Variants in RYR3 observed in about 807,000 individuals in gnomAD.
The protein encoded by RYR3 is ryanodine receptor 3.
Under a neutral mutation model 584.3 loss-of-function variants are expected in RYR3, and 207 were observed. That is an observed-to-expected ratio of 0.35 (90% CI 0.32 to 0.40). RYR3 has a LOEUF of 0.40. Among genes scored for constraint, RYR3 ranks in the 10% least tolerant of loss-of-function variants. The pLI, the probability that RYR3 is intolerant of heterozygous loss-of-function variation, is 1.00. For missense variants in RYR3, 5,616 were observed against 6,089.2 expected (o/e 0.92, Z 2.59); for synonymous variants, 2,416 against 2,248.5 (o/e 1.07, Z -2.11).
Position 33,768,722 on chromosome 15 carries a change from G to A in RYR3, c.8755+15G>A. ...TTCCCTCTTTGGTAAGTGAAGTGTT[G>A]CTCAAGGTACCGCTCCTCCCTGTAA... On this transcript the variant is annotated intron_variant, in intron 61 of 103. Transcript: ENST00000634891. The A allele has an allele frequency of 6.2e-7, 1 of 1,613,008 alleles. No homozygotes were observed.
intron 65 of RYR3, among the ~76,000 whole-genome samples, chr15:33,784,958 C>T (rs922690232): frequency 9.9e-5 from 15 of 152,148 alleles, no homozygotes; most frequent in African/African-American, 3.6e-4. Flanking sequence ...GCAGCACCCT[C>T]AATCATTCAG....
At chr15:33,465,598 G>A (rs1375985036) in intron 1 of RYR3, 1 of 440,474 alleles carries the variant, frequency 2.3e-6, no homozygotes, top group Non-Finnish European at 4.5e-6. Context: ...CCTTAAGTAA[G>A]ATGGAAAGTG....
intron 1 of RYR3, among the ~76,000 whole-genome samples, chr15:33,324,344 G>C (rs1338410856): frequency 6.6e-6 from 1 of 152,116 alleles, no homozygotes; most frequent in Non-Finnish European, 1.5e-5. Flanking sequence ...GGAAGGAAGG[G>C]TACTCTAAAA....
At position 33,762,992 on chromosome 15, in the gene RYR3, A is replaced by C. The variant is rs536603565; in HGVS notation, c.8705+5396A>C. ...ATCTACCGCCATCTGACCTTTGACA[A>C]ACCTGACAAAAACAAGCAATGGGGA... is the stretch of plus-strand genomic sequence containing the variant. On this transcript the variant is annotated intron_variant, in intron 60 of 103. Transcript: ENST00000634891. Among the ~76,000 whole-genome samples the C allele has an allele frequency of 2.0e-5, 3 of 152,336 alleles. No individual in the cohort carries two copies. In the East Asian group the frequency reaches 5.8e-4, roughly 29 times the overall value.
intron 86 of RYR3, among the ~76,000 whole-genome samples, chr15:33,832,141 A>G (rs1390907616): frequency 1.3e-5 from 2 of 151,984 alleles, no homozygotes; most frequent in African/African-American, 2.4e-5. Context: ...TAAAATACAA[A>G]AAATTAGCCA....
intron 1 of RYR3, among the ~76,000 whole-genome samples, chr15:33,394,429 G>A (rs940050810): frequency 6.6e-6 from 1 of 152,208 alleles, no homozygotes; most frequent in African/African-American, 2.4e-5. Context: ...CAATTTACAT[G>A]TTATGTTCCA....
chr15:33,603,109 A>G lies in RYR3; in HGVS notation c.1923-14A>G. 1 of 1,612,612 alleles carries G rather than the reference A, an allele frequency of 6.2e-7. No homozygotes were observed. The highest frequency in any genetic ancestry group is 1.3e-5 in the African/African-American group (1 of 74,786). ...AAGGGTGTGTAGATGCCACTTGCCC[A>G]TGTTTACTTTCAGTATCCGGCCAAA... On this transcript the variant is annotated splice_polypyrimidine_tract_variant and intron_variant, in intron 17 of 103. Transcript: ENST00000634891.
At chr15:33,667,083 T>G (rs1269871726) in intron 36 of RYR3, among the ~76,000 whole-genome samples, 2 of 152,258 alleles carry the variant, frequency 1.3e-5, no homozygotes. Context: ...ATATTTTTTC[T>G]TACAAACAAT....
intron 19 of RYR3, among the ~76,000 whole-genome samples, chr15:33,618,870 T>C (rs2060580878): frequency 6.6e-6 from 1 of 152,224 alleles, no homozygotes; most frequent in East Asian, 1.9e-4. Flanking sequence ...TGGGTCAATC[T>C]TTCAAATCTG....
chr15:33,854,177 T>C (rs1305793731), intron 96 of RYR3, among the ~76,000 whole-genome samples: 1 of 131,774 alleles, frequency 7.6e-6, no homozygotes, highest in Non-Finnish European at 1.6e-5. Flanking sequence ...GCCTGGGTGA[T>C]AGAGTGAGAC....
At chr15:33,691,673 A>C (rs1367786826) in intron 38 of RYR3, among the ~76,000 whole-genome samples, 1 of 152,238 alleles carries the variant, frequency 6.6e-6, no homozygotes, top group East Asian at 1.9e-4. Context: ...AATACATAGC[A>C]GAAGTGCTTT....
At chr15:33,718,785 T>G (rs1037437292) in intron 43 of RYR3, among the ~76,000 whole-genome samples, 3 of 152,012 alleles carry the variant, frequency 2.0e-5, no homozygotes, top group African/African-American at 7.3e-5. Flanking sequence ...CATCCAACTA[T>G]TCAGGAACAT....
rs1016343189 is a variant in RYR3 at position 33,311,897 on chromosome 15, C to G, written c.51+801C>G. On this transcript the variant is annotated intron_variant, in intron 1 of 103. Transcript: ENST00000634891. This position sits in a 1 kb window ranked among gnomAD's most constrained non-coding sequence, Gnocchi z 4.4. ...TCTGTTGCAGCCACACCAGCCTTGC[C>G]CTGTAGGAGATAATACAAAGACTTT... 6.6e-6 allele frequency among the ~76,000 whole-genome samples: 1 copy of G among 152,166 alleles called. No individual in the cohort carries two copies. Among genetic ancestry groups the G allele is most frequent in the Non-Finnish European group, 1.5e-5 (1 of 68,034 alleles).
intron 20 of RYR3, among the ~76,000 whole-genome samples, chr15:33,624,770 C>A (rs977927099): frequency 1.3e-5 from 2 of 152,200 alleles, no homozygotes; most frequent in African/African-American, 4.8e-5. Flanking sequence ...ATTTTCTACA[C>A]AGCAGGGCTA....
intron 3 of RYR3, among the ~76,000 whole-genome samples, chr15:33,509,489 A>T (rs1329903837): frequency 6.6e-6 from 1 of 152,222 alleles, no homozygotes; most frequent in Non-Finnish European, 1.5e-5. Context: ...AACATGACTG[A>T]TGGAGGAACT....
chr15:33,477,575 T>TAAAA (rs3084422), intron 2 of RYR3, among the ~76,000 whole-genome samples: 4,084 of 116,230 alleles, frequency 0.035, 149 homozygotes, highest in African/African-American at 0.085. Flanking sequence ...CTTGTTTTGT[T>TAAAA]AAAAAAAAAA....
At chr15:33,734,100 G>C (rs908744154) in intron 48 of RYR3, among the ~76,000 whole-genome samples, 2 of 152,116 alleles carry the variant, frequency 1.3e-5, no homozygotes, top group Non-Finnish European at 2.9e-5. Flanking sequence ...TATTTTCTTG[G>C]GGTGGGGAGT....
chr15:33,776,805 G>A (rs552135320), intron 64 of RYR3, among the ~76,000 whole-genome samples: 1 of 152,232 alleles, frequency 6.6e-6, no homozygotes, highest in South Asian at 2.1e-4. Context: ...CCTAACAATC[G>A]ATTTTGAAAG....
chr15:33,504,636 C>A (rs550245295), intron 3 of RYR3, among the ~76,000 whole-genome samples: 1 of 152,292 alleles, frequency 6.6e-6, no homozygotes. Flanking sequence ...CCTTTGTCTT[C>A]CCATTATTTT....
Sources: gnomAD v4.1 joint callset for allele counts (sites outside exome capture counted in the v4.1 genomes callset) on GRCh38, gnomAD v4.1.1 for gene constraint, Gnocchi (gnomAD v3.1) non-coding constraint, MANE v1.5 for transcripts, NCBI Gene and HGNC (gene_info 2026-07-23, HGNC 2026-07-21) for gene names.